Variants in VAV3 observed in about 807,000 individuals in gnomAD.
VAV3 encodes vav guanine nucleotide exchange factor 3.
In VAV3, 94 loss-of-function variants were observed where a neutral mutation model predicts 131.2. The observed-to-expected ratio is 0.72, with a 90% CI of 0.61 to 0.85. The LOEUF is 0.85. VAV3 is among the 40% of genes least tolerant of loss of function. The probability of loss-of-function intolerance (pLI) is 0.00; values close to 1 mark genes in which losing one functional copy is unlikely to be tolerated. For synonymous variants in VAV3, 349 were observed against 342.0 expected, an observed-to-expected ratio of 1.02 and a Z score of -0.22; for missense variants, 939 against 1,002.7, an observed-to-expected ratio of 0.94 and a Z score of 0.86.
intron 1 of VAV3, among the ~76,000 whole-genome samples, chr1:107,923,920 C>T (rs1039079714): frequency 9.2e-5 from 14 of 152,136 alleles, no homozygotes; most frequent in African/African-American, 3.4e-4. Context: ...CAGGCCCTTA[C>T]CAGACACCAC....
intron 2 of VAV3, among the ~76,000 whole-genome samples, chr1:107,874,040 T>C (rs1018962832): frequency 1.3e-5 from 2 of 152,226 alleles, no homozygotes; most frequent in African/African-American, 4.8e-5. Flanking sequence ...AGCCTTTTGA[T>C]AAGATACTAG....
intron 25 of VAV3, among the ~76,000 whole-genome samples, chr1:107,592,784 C>A (rs1035112875): frequency 1.3e-5 from 2 of 152,138 alleles, no homozygotes; most frequent in Admixed American, 6.6e-5. Flanking sequence ...GCTACTCTGG[C>A]AGACCTCAAA....
chr1:107,766,404 A>G (rs1280724339), intron 8 of VAV3, 43 bp downstream of exon 8: 1 of 1,323,684 alleles, frequency 7.6e-7, no homozygotes, highest in Non-Finnish European at 1.1e-6. Flanking sequence ...TCCTCACTAT[A>G]ATTACAAGCT....
chr1:107,738,112 A>G (rs1662780413), intron 15 of VAV3, among the ~76,000 whole-genome samples: 1 of 152,188 alleles, frequency 6.6e-6, no homozygotes, highest in South Asian at 2.1e-4. Context: ...AGGACAGAAC[A>G]CCAAACACCG....
chr1:107,746,418 A>G (rs983417010), intron 15 of VAV3, among the ~76,000 whole-genome samples: 11 of 152,182 alleles, frequency 7.2e-5, no homozygotes, highest in African/African-American at 2.7e-4. Flanking sequence ...CTGGTGTGTT[A>G]TTTTATTGCT....
intron 15 of VAV3, among the ~76,000 whole-genome samples, chr1:107,737,096 A>G (rs182281067): frequency 1.1e-3 from 161 of 152,296 alleles, no homozygotes; most frequent in African/African-American, 3.7e-3. Flanking sequence ...CAAAAAGAAG[A>G]AATGGTGGAA....
intron 1 of VAV3, among the ~76,000 whole-genome samples, chr1:107,900,672 T>C (rs915370711): frequency 6.6e-6 from 1 of 152,222 alleles, no homozygotes; most frequent in Non-Finnish European, 1.5e-5. Flanking sequence ...TGATTGATAC[T>C]GTATTTTTGT....
At chr1:107,917,227 C>T (rs1003673288) in intron 1 of VAV3, among the ~76,000 whole-genome samples, 7 of 152,094 alleles carry the variant, frequency 4.6e-5, no homozygotes, top group African/African-American at 1.7e-4. Context: ...CAGCAGCGGC[C>T]TCACCAAAGT....
chr1:107,710,677 CTTAAG>C (rs1024737877), intron 15 of VAV3, among the ~76,000 whole-genome samples: 5 of 152,090 alleles, frequency 3.3e-5, no homozygotes, highest in African/African-American at 7.2e-5. Context: ...AAGCCTACTA[CTTAAG>C]TTAATCTTAT....
chr1:107,955,050 C>G (rs1446776755), intron 1 of VAV3, among the ~76,000 whole-genome samples: 1 of 152,150 alleles, frequency 6.6e-6, no homozygotes, highest in Non-Finnish European at 1.5e-5. Flanking sequence ...CAGTGATAAT[C>G]ATTATAGTAA....
intron 22 of VAV3, among the ~76,000 whole-genome samples, chr1:107,604,544 G>A (rs531263187): frequency 2.0e-5 from 3 of 152,124 alleles, no homozygotes; most frequent in East Asian, 1.9e-4. Flanking sequence ...CTCCTTTTGC[G>A]CTTAGGGTCT....
intron 1 of VAV3, among the ~76,000 whole-genome samples, chr1:107,885,978 A>G (rs1247413065): frequency 6.6e-6 from 1 of 152,216 alleles, no homozygotes; most frequent in African/African-American, 2.4e-5. Flanking sequence ...AGGGAGATTC[A>G]TATCTCCAAG....
chr1:107,959,836 A>G (rs1674997564), intron 1 of VAV3, among the ~76,000 whole-genome samples: 1 of 152,068 alleles, frequency 6.6e-6, no homozygotes, highest in African/African-American at 2.4e-5. Flanking sequence ...AGCTCCAGAT[A>G]TTCCTTCCCC....
At chr1:107,760,659 T>C in intron 10 of VAV3, 125 bp downstream of exon 10, 8 of 650,394 alleles carry the variant, frequency 1.2e-5, no homozygotes. Context: ...TTAACTATAA[T>C]AATAATTCAA....
At chr1:107,725,893 T>C (rs756141237) in intron 15 of VAV3, among the ~76,000 whole-genome samples, 15 of 152,138 alleles carry the variant, frequency 9.9e-5, no homozygotes, top group Admixed American at 3.3e-4. Context: ...CAGTAGAATG[T>C]TTTAAGCCAA....
At chr1:107,893,052 A>C (rs1489851727) in intron 1 of VAV3, among the ~76,000 whole-genome samples, 1 of 17,856 alleles carries the variant, frequency 5.6e-5, no homozygotes, top group East Asian at 1.2e-3. Context: ...AATTAAAAAT[A>C]TACACAGAGT....
intron 2 of VAV3, among the ~76,000 whole-genome samples, chr1:107,867,441 G>C (rs1474664268): frequency 6.6e-6 from 1 of 152,100 alleles, no homozygotes; most frequent in Non-Finnish European, 1.5e-5. Context: ...AAGATGAGAA[G>C]GTTGTTAAAC....
rs533215645 is a variant in VAV3, at chr1:107,583,655, A to C, written c.2351-9457T>G. 5.3e-5 allele frequency among the ~76,000 whole-genome samples: 8 copies of C among 152,268 alleles called. No homozygotes were observed. The South Asian group carries it at 1.7e-3, about 32-fold the overall frequency. ...AATCATGAGTGAACTCCCATTCACAATTGCTTCAAAGAGAATAAAATACCT... is the reference window on the plus strand; with the variant it reads ...AATCATGAGTGAACTCCCATTCACACTTGCTTCAAAGAGAATAAAATACCT... On this transcript the variant is annotated intron_variant, in intron 25 of 26. Transcript: ENST00000370056.
At chr1:107,939,456 C>T (rs541996316) in intron 1 of VAV3, among the ~76,000 whole-genome samples, 1 of 152,178 alleles carries the variant, frequency 6.6e-6, no homozygotes, top group African/African-American at 2.4e-5. Flanking sequence ...AAATGCTGGA[C>T]AGCGGCAGCA....
Sources: allele counts gnomAD v4.1 joint callset (sites outside exome capture counted in the v4.1 genomes callset), GRCh38; gene constraint gnomAD v4.1.1; transcripts MANE v1.5; gene names NCBI Gene and HGNC (gene_info 2026-07-23, HGNC 2026-07-21).